Variants in CD8B observed in about 807,000 individuals in gnomAD.
The protein encoded by CD8B is T-cell surface glycoprotein CD8 beta chain.
In CD8B, 6 loss-of-function variants were observed where a neutral mutation model predicts 24.2. That is an observed-to-expected ratio of 0.25 (90% CI 0.14 to 0.49). The LOEUF (loss-of-function observed/expected upper bound fraction) is 0.49, where lower values mean the gene tolerates loss of function less well. Ranked by LOEUF, CD8B falls within the 20% of genes least tolerant of loss-of-function variation. CD8B has a pLI of 0.98. For synonymous variants in CD8B, 84 were observed against 108.3 expected (o/e 0.78, Z 1.39); for missense variants, 196 against 271.3 (o/e 0.72, Z 1.95).
At chr2:86,847,650 C>G (rs1420655174) in intron 3 of CD8B, among the ~76,000 whole-genome samples, 2 of 152,224 alleles carry the variant, frequency 1.3e-5, no homozygotes, top group African/African-American at 4.8e-5. Context: ...ACTGCAACCT[C>G]CGCCTTCTGG....
chr2:86,821,837 C>G (rs1674488349), intron 5 of CD8B: 1 of 322,386 alleles, frequency 3.1e-6, no homozygotes. Flanking sequence ...GCTTCCTCCA[C>G]CCTTCTCTTC....
In CD8B at chr2:86,858,094, G is replaced by T. The variant is rs768549471; in HGVS notation, c.366C>A (p.Pro122=). 5.0e-6 allele frequency: 8 copies of T among 1,613,812 alleles called. No homozygotes were observed. Among genetic ancestry groups the T allele is most frequent in the African/African-American group, 1.3e-5 (1 of 74,894 alleles). ...GIYFCMIVGS[P]ELTFGKGTQL... ...GAGTTCCCTTCCCGAAGGTCAGCTC[G>T]GGGCTCCCGACGATCATGCAGAAGT... The change falls in exon 2 of 6, where the codon CCC becomes CCA. Residue 122 remains proline (P), a synonymous_variant. Coordinates refer to ENST00000390655, the MANE Select transcript of CD8B (RefSeq NM_004931.5).
At chr2:86,819,962 G>A (rs1674395984) in intron 5 of CD8B, among the ~76,000 whole-genome samples, 1 of 152,200 alleles carries the variant, frequency 6.6e-6, no homozygotes, top group Non-Finnish European at 1.5e-5. Context: ...AGTTGGAGGA[G>A]TTCAAGACTT....
downstream of CD8B, among the ~76,000 whole-genome samples, chr2:86,835,218 A>G (rs1054991749): frequency 4.6e-5 from 7 of 152,050 alleles, no homozygotes; most frequent in African/African-American, 1.7e-4. Flanking sequence ...CACAAGATAG[A>G]CCACCCAACA....
intron 2 of CD8B, among the ~76,000 whole-genome samples, chr2:86,854,723 T>A: frequency 6.6e-6 from 1 of 151,102 alleles, no homozygotes. Flanking sequence ...AGGAAACAGA[T>A]CTCTCTGCAC....
intron 5 of CD8B, among the ~76,000 whole-genome samples, chr2:86,824,242 G>T (rs765786400): frequency 6.6e-6 from 1 of 152,092 alleles, no homozygotes; most frequent in African/African-American, 2.4e-5. Context: ...TCTGGGCCAG[G>T]TACTGTGAGG....
At chr2:86,852,868 A>G (rs1029875201) in intron 3 of CD8B, 129 bp downstream of exon 3, 227 of 1,429,012 alleles carry the variant, frequency 1.6e-4, no homozygotes, top group Non-Finnish European at 1.9e-4. Context: ...TTCTGACCCT[A>G]GCTTAGGCCG....
intron 1 of CD8B, 138 bp from the exon 2 acceptor site, chr2:86,858,554 G>A: frequency 1.4e-6 from 2 of 1,440,258 alleles, no homozygotes; most frequent in Non-Finnish European, 1.8e-6. Flanking sequence ...AGTGTGTTGA[G>A]CGCAGCTGTT....
At position 86,860,844 on chromosome 2, in the gene CD8B, C is replaced by A. The variant is rs553349142; in HGVS notation, c.43+979G>T. Among the ~76,000 whole-genome samples, 11 of 152,302 alleles carry A rather than the reference C, an allele frequency of 7.2e-5. 1 individual carries two copies. In the South Asian group the frequency reaches 1.9e-3, roughly 26 times the overall value. ...CTGGCTGAGACACACCCCGGCTCTT[C>A]CCGGGGCCCACTTGCTTTTTGTCCC... On this transcript the variant is annotated intron_variant, in intron 1 of 5. Coordinates refer to ENST00000390655, the MANE Select transcript of CD8B (RefSeq NM_004931.5).
In CD8B at chr2:86,838,267, G is replaced by A. The variant is rs192223993; in HGVS notation, c.*4040C>T. 6.4e-4 allele frequency among the ~76,000 whole-genome samples: 97 copies of A among 152,252 alleles called. No homozygotes were observed. The highest frequency in any genetic ancestry group is 1.1e-3 in the Non-Finnish European group (76 of 68,026). On this transcript the variant is annotated 3_prime_UTR_variant, in exon 6 of 6. Transcript: ENST00000390655. ...TGTACAAAGCAGAAGTGGAAATTCCGCAGAGTAACTGCAATTAACAGCTGA... is the reference window on the plus strand; with the variant it reads ...TGTACAAAGCAGAAGTGGAAATTCCACAGAGTAACTGCAATTAACAGCTGA...
intron 5 of CD8B, among the ~76,000 whole-genome samples, chr2:86,831,794 G>C (rs976401117): frequency 4.6e-5 from 7 of 152,180 alleles, no homozygotes; most frequent in African/African-American, 1.4e-4. Flanking sequence ...CCCAGACTGA[G>C]GAGTCAGCCT....
chr2:86,825,612 T>C (rs931812119), intron 5 of CD8B, among the ~76,000 whole-genome samples: 1 of 152,140 alleles, frequency 6.6e-6, no homozygotes, highest in African/African-American at 2.4e-5. Flanking sequence ...GCCAGGTGAA[T>C]GTCCCAGAGC....
chr2:86,822,181 T>C, intron 5 of CD8B: 1 of 567,864 alleles, frequency 1.8e-6, no homozygotes, highest in South Asian at 2.5e-5. Context: ...TGCAATCTTC[T>C]AACACAAAAT....
intron 5 of CD8B, among the ~76,000 whole-genome samples, chr2:86,818,834 T>C (rs1674356880): frequency 6.6e-6 from 1 of 152,218 alleles, no homozygotes; most frequent in African/African-American, 2.4e-5. Flanking sequence ...ATGCTGAAAG[T>C]GGAGACAGGC....
At chr2:86,847,820 C>A (rs1675760716) in intron 3 of CD8B, among the ~76,000 whole-genome samples, 1 of 152,190 alleles carries the variant, frequency 6.6e-6, no homozygotes, top group South Asian at 2.1e-4. Context: ...CCCGCCTCAG[C>A]CTCCCAAAGT....
At chr2:86,851,377 G>A (rs1054186705) in intron 3 of CD8B, among the ~76,000 whole-genome samples, 20 of 152,088 alleles carry the variant, frequency 1.3e-4, no homozygotes, top group Admixed American at 2.6e-4. Flanking sequence ...GCACACAACC[G>A]GTTCTTGCGC....
intron 2 of CD8B, among the ~76,000 whole-genome samples, chr2:86,853,383 A>G (rs1676072079): frequency 6.6e-6 from 1 of 152,088 alleles, no homozygotes; most frequent in Non-Finnish European, 1.5e-5. Context: ...TCAAGGCTGA[A>G]GTGAGCCATG....
At chr2:86,853,215 G>A in intron 2 of CD8B, 129 bp from the exon 3 acceptor site, 1 of 1,461,520 alleles carries the variant, frequency 6.8e-7, no homozygotes, top group Non-Finnish European at 9.3e-7. Context: ...GGCCAAGGCA[G>A]GAGATCATTT....
At chr2:86,846,556 C>T in intron 4 of CD8B, 128 bp downstream of exon 4, 1 of 606,604 alleles carries the variant, frequency 1.6e-6, no homozygotes, top group Non-Finnish European at 2.9e-6. Flanking sequence ...TCTGGAAATA[C>T]CGTAGGTTCT....
Sources: allele counts gnomAD v4.1 joint callset (sites outside exome capture counted in the v4.1 genomes callset), GRCh38; gene constraint gnomAD v4.1.1; transcripts MANE v1.5; gene names NCBI Gene and HGNC (gene_info 2026-07-23, HGNC 2026-07-21).